Variants in DIS3L2 observed in about 807,000 individuals in gnomAD.
DIS3L2 encodes DIS3 like 3'-5' exoribonuclease 2, also known as DIS3-like exonuclease 2.
Under a neutral mutation model 97.5 loss-of-function variants are expected in DIS3L2, and 34 were observed. The observed-to-expected ratio is 0.35, with a 90% confidence interval of 0.27 to 0.46. DIS3L2 has a LOEUF of 0.46. Among genes scored for constraint, DIS3L2 ranks in the 20% least tolerant of loss-of-function variants. The pLI, the probability that DIS3L2 is intolerant of heterozygous loss-of-function variation, is 1.00. For missense variants in DIS3L2, 1,038 were observed against 1,146.0 expected, an observed-to-expected ratio of 0.91 and a Z score of 1.36; for synonymous variants, 435 against 445.2, an observed-to-expected ratio of 0.98 and a Z score of 0.29.
At chr2:232,203,825 CA>C (rs1171199432) in intron 9 of DIS3L2, among the ~76,000 whole-genome samples, 3 of 152,130 alleles carry the variant, frequency 2.0e-5, no homozygotes, top group African/African-American at 7.2e-5. Flanking sequence ...GCATTGCAGG[CA>C]GGCCTTTAAC....
intron 6 of DIS3L2, among the ~76,000 whole-genome samples, chr2:232,117,627 G>A (rs1297196002): frequency 6.6e-6 from 1 of 152,160 alleles, no homozygotes; most frequent in Non-Finnish European, 1.5e-5. Flanking sequence ...CCCACCAGGG[G>A]CCTCTTCCCT....
At chr2:232,003,609 T>A (rs1409247017) in intron 1 of DIS3L2, among the ~76,000 whole-genome samples, 1 of 152,224 alleles carries the variant, frequency 6.6e-6, no homozygotes, top group Non-Finnish European at 1.5e-5. Flanking sequence ...AAGAACTCAG[T>A]ATGGCGTTTC....
At chr2:232,005,521 G>C (rs1694029417) in intron 1 of DIS3L2, among the ~76,000 whole-genome samples, 1 of 152,108 alleles carries the variant, frequency 6.6e-6, no homozygotes, top group Admixed American at 6.5e-5. Context: ...CACCAACCCT[G>C]TGATGGTGGC....
At chr2:232,234,317 A>G (rs994835075) in intron 10 of DIS3L2, among the ~76,000 whole-genome samples, 4 of 152,182 alleles carry the variant, frequency 2.6e-5, no homozygotes, top group African/African-American at 9.6e-5. Flanking sequence ...GACATTTAAT[A>G]AATGTTCACT....
intron 13 of DIS3L2, among the ~76,000 whole-genome samples, chr2:232,270,500 T>C (rs1215030894): frequency 6.6e-6 from 1 of 152,232 alleles, no homozygotes; most frequent in Non-Finnish European, 1.5e-5. Context: ...TAATATTCTG[T>C]CATATGAATA....
Position 232,058,160 on chromosome 2 carries a change from T to C in DIS3L2, c.366+28080T>C, listed in dbSNP as rs76330769. On this transcript the variant is annotated intron_variant, in intron 5 of 20. Transcript: ENST00000325385. ...CTTGCTCTCATTGACATGTCACTTATATTTTACATCTCCTCCTCCATGGTT... is the reference window on the plus strand; with the variant it reads ...CTTGCTCTCATTGACATGTCACTTACATTTTACATCTCCTCCTCCATGGTT... Among the ~76,000 whole-genome samples, 478 of 152,358 alleles carry C rather than the reference T, an allele frequency of 3.1e-3. 3 individuals carry two copies. The highest frequency in any genetic ancestry group is 0.011 in the African/African-American group (463 of 41,576).
chr2:232,256,274 A>G (rs1036102340), intron 12 of DIS3L2, among the ~76,000 whole-genome samples: 1 of 152,238 alleles, frequency 6.6e-6, no homozygotes, highest in Admixed American at 6.5e-5. Context: ...TGCTGCTCAC[A>G]GGAGAGAAGC....
intron 3 of DIS3L2, among the ~76,000 whole-genome samples, chr2:232,019,867 C>A (rs1694463749): frequency 6.6e-6 from 1 of 151,910 alleles, no homozygotes; most frequent in African/African-American, 2.4e-5. Context: ...ATAGACTGAT[C>A]ATTGCTAATA....
At chr2:232,272,296 G>A (rs1306243634) in intron 13 of DIS3L2, among the ~76,000 whole-genome samples, 1 of 152,188 alleles carries the variant, frequency 6.6e-6, no homozygotes, top group African/African-American at 2.4e-5. Flanking sequence ...AGGAGCCTTA[G>A]GCAGCAGAAG....
chr2:231,971,614 AT>A (rs1692914473), intron 1 of DIS3L2, among the ~76,000 whole-genome samples: 1 of 151,992 alleles, frequency 6.6e-6, no homozygotes, highest in Non-Finnish European at 1.5e-5. Flanking sequence ...CCCCTGGCTA[AT>A]TTTGTGTATT....
At chr2:232,125,234 CA>C (rs1214996202) in intron 6 of DIS3L2, among the ~76,000 whole-genome samples, 1 of 152,258 alleles carries the variant, frequency 6.6e-6, no homozygotes. Flanking sequence ...TGCCAGCAGT[CA>C]TGAACAGCAT....
chr2:232,253,538 G>A (rs1180988236), intron 12 of DIS3L2, among the ~76,000 whole-genome samples: 1 of 152,034 alleles, frequency 6.6e-6, no homozygotes, highest in Non-Finnish European at 1.5e-5. Context: ...ATTCCAGTGA[G>A]AATAAAAAGT....
At chr2:232,306,735 G>A (rs964585667) in intron 14 of DIS3L2, among the ~76,000 whole-genome samples, 1 of 152,178 alleles carries the variant, frequency 6.6e-6, no homozygotes, top group Non-Finnish European at 1.5e-5. Flanking sequence ...CGCTGATGCT[G>A]CCAACAGAGG....
In DIS3L2 at chr2:232,300,035, T is replaced by C. The variant is rs1254969854; in HGVS notation, c.1660-5T>C. On this transcript the variant is annotated splice_region_variant and splice_polypyrimidine_tract_variant and intron_variant, in intron 13 of 20. Coordinates refer to ENST00000325385, the MANE Select transcript of DIS3L2 (RefSeq NM_152383.5). ...AACTTCTTTTTCTCTTCTCTCTCTC[T>C]TCAGCTAAAGCTTGCTTTCACTCTG... 1.9e-6 allele frequency: 3 copies of C among 1,612,972 alleles called. No homozygotes were observed. Among genetic ancestry groups the C allele is most frequent in the South Asian group, 2.2e-5 (2 of 91,066 alleles).
At chr2:232,015,249 A>G (rs551547232) in intron 2 of DIS3L2, among the ~76,000 whole-genome samples, 3 of 152,230 alleles carry the variant, frequency 2.0e-5, no homozygotes, top group Non-Finnish European at 4.4e-5. Context: ...GTGTCTATAA[A>G]TAGCAAAGAA....
intron 5 of DIS3L2, among the ~76,000 whole-genome samples, chr2:232,036,070 C>CT (rs1198938797): frequency 3.9e-5 from 6 of 152,118 alleles, no homozygotes; most frequent in Non-Finnish European, 1.5e-5. Context: ...GTTGGCCTGT[C>CT]TTGCTAGGTT....
chr2:231,982,682 C>CT (rs1369391126), intron 1 of DIS3L2, among the ~76,000 whole-genome samples: 7 of 143,896 alleles, frequency 4.9e-5, no homozygotes, highest in African/African-American at 2.0e-4. Flanking sequence ...TTTATTCAAG[C>CT]ATTTTTTTTT....
In DIS3L2 at chr2:232,163,456, T is replaced by C. The variant is rs1690713341; in HGVS notation, c.951-3T>C. 6.2e-7 allele frequency: 1 copy of C among 1,613,594 alleles called. No individual in the cohort carries two copies. Among genetic ancestry groups the C allele is most frequent in the East Asian group, 2.2e-5 (1 of 44,864 alleles). ...AGTTATTCCGTTTCTGTTCTATCCA[T>C]AGGCAGCTGGCTAAGAGTCTTGGGC... On this transcript the variant is annotated splice_region_variant and splice_polypyrimidine_tract_variant and intron_variant, in intron 8 of 20. Transcript: ENST00000325385.
intron 4 of DIS3L2, among the ~76,000 whole-genome samples, chr2:232,028,161 C>G (rs904582565): frequency 6.6e-6 from 1 of 152,178 alleles, no homozygotes; most frequent in African/African-American, 2.4e-5. Context: ...AGTCTTTAGT[C>G]TGATTACCAC....
Sources: allele counts gnomAD v4.1 joint callset (sites outside exome capture counted in the v4.1 genomes callset), GRCh38; gene constraint gnomAD v4.1.1; transcripts MANE v1.5; gene names NCBI Gene and HGNC (gene_info 2026-07-23, HGNC 2026-07-21).